Variants in MAP3K3 observed in about 807,000 individuals in gnomAD.
MAP3K3 encodes mitogen-activated protein kinase kinase kinase 3.
In MAP3K3, 12 loss-of-function variants were observed where a neutral mutation model predicts 80.9. The ratio of observed to expected loss-of-function variants is 0.15; its 90% CI spans 0.10 to 0.24. The LOEUF (loss-of-function observed/expected upper bound fraction) is 0.24, where lower values mean the gene tolerates loss of function less well. MAP3K3 is among the 10% of genes least tolerant of loss of function. MAP3K3 has a pLI of 1.00. For synonymous variants in MAP3K3, 272 were observed against 307.1 expected, an observed-to-expected ratio of 0.89 and a Z score of 1.19; for missense variants, 596 against 834.7, an observed-to-expected ratio of 0.71 and a Z score of 3.52.
chr17:63,678,265 C>T (rs529988004), intron 6 of MAP3K3, among the ~76,000 whole-genome samples: 3 of 151,964 alleles, frequency 2.0e-5, no homozygotes, highest in Non-Finnish European at 4.4e-5. Flanking sequence ...AAAAAAATTG[C>T]CTTGACTGAT....
chr17:63,678,984 G>A (rs2035276157), intron 6 of MAP3K3, among the ~76,000 whole-genome samples: 1 of 152,096 alleles, frequency 6.6e-6, no homozygotes, highest in African/African-American at 2.4e-5. Flanking sequence ...AGCCAAGATT[G>A]TACCACTGCA....
intron 2 of MAP3K3, among the ~76,000 whole-genome samples, chr17:63,637,667 G>C (rs1046965331): frequency 1.3e-5 from 2 of 152,138 alleles, no homozygotes; most frequent in African/African-American, 4.8e-5. Context: ...AAGGATTAAG[G>C]TTTTTCTCTC....
intron 3 of MAP3K3, among the ~76,000 whole-genome samples, chr17:63,648,675 C>T (rs535247009): frequency 2.6e-5 from 4 of 152,054 alleles, no homozygotes; most frequent in South Asian, 4.2e-4. Context: ...ATTAGCCGGG[C>T]GTGGTGGCCG....
intron 5 of MAP3K3, among the ~76,000 whole-genome samples, chr17:63,664,401 T>G (rs150767061): frequency 2.8e-3 from 423 of 152,328 alleles, no homozygotes; most frequent in African/African-American, 9.9e-3. Flanking sequence ...AACAGAGGAC[T>G]GGACAGGATG....
At chr17:63,667,991 T>A (rs1337035934) in intron 6 of MAP3K3, among the ~76,000 whole-genome samples, 1 of 150,248 alleles carries the variant, frequency 6.7e-6, no homozygotes, top group Non-Finnish European at 1.5e-5. Flanking sequence ...ATTCCACTTT[T>A]GGGAGTCTGG....
chr17:63,658,323 T>A (rs1313435641), intron 5 of MAP3K3, among the ~76,000 whole-genome samples: 2 of 152,168 alleles, frequency 1.3e-5, no homozygotes, highest in Non-Finnish European at 2.9e-5. Context: ...ACCTTGCCTT[T>A]CCCTTGGAAC....
rs2035644430 is a variant in MAP3K3, at chr17:63,694,002, G to C, written c.*225G>C. 1 of 524,982 alleles carries C rather than the reference G, an allele frequency of 1.9e-6. No individual in the cohort carries two copies. The highest frequency in any genetic ancestry group is 2.0e-5 in the African/African-American group (1 of 51,054). The allele number at this position is 524,982 out of a possible 1,614,324, so 32.5% of individuals were successfully genotyped here. ...CAGCCTGTCAGATCCAGGAGCTCCA[G>C]TGTCCTGAGCTCAGCGTGGAGGGGT... On this transcript the variant is annotated 3_prime_UTR_variant, in exon 16 of 16. Coordinates refer to ENST00000361733, the MANE Select transcript of MAP3K3 (RefSeq NM_002401.5).
intron 5 of MAP3K3, among the ~76,000 whole-genome samples, chr17:63,659,317 T>G (rs2034836584): frequency 6.6e-6 from 1 of 152,202 alleles, no homozygotes; most frequent in African/African-American, 2.4e-5. Context: ...TTATAAATAT[T>G]TACATTTAAG....
chr17:63,645,203 C>T (rs895716949), intron 2 of MAP3K3, among the ~76,000 whole-genome samples: 6 of 151,960 alleles, frequency 3.9e-5, no homozygotes, highest in East Asian at 1.9e-4. Context: ...CTCGGGAGGC[C>T]GAGGCAAGAG....
At chr17:63,681,383 G>A (rs952955010) in intron 6 of MAP3K3, among the ~76,000 whole-genome samples, 17 of 152,150 alleles carry the variant, frequency 1.1e-4, no homozygotes, top group Non-Finnish European at 4.4e-5. Context: ...CTGATGTATT[G>A]AGCTGATGGG....
chr17:63,681,643 G>C (rs2035339121), intron 6 of MAP3K3, 123 bp from the exon 7 acceptor site: 4 of 836,314 alleles, frequency 4.8e-6, no homozygotes, highest in Admixed American at 3.1e-5. Context: ...GCTGGACGTT[G>C]GTGCCATGAC....
At chr17:63,645,996 A>G in intron 2 of MAP3K3, 38 bp from the exon 3 acceptor site, 1 of 1,586,402 alleles carries the variant, frequency 6.3e-7, no homozygotes, top group Non-Finnish European at 8.7e-7. Context: ...GACACATTCC[A>G]GAGAATTCTC....
chr17:63,622,976 G>C (rs1242352719), intron 1 of MAP3K3, among the ~76,000 whole-genome samples: 1 of 148,264 alleles, frequency 6.7e-6, no homozygotes, highest in African/African-American at 2.4e-5. Flanking sequence ...GGCCGGCAGA[G>C]CCCGCTCGGC....
At chr17:63,661,769 A>G (rs1411127631) in intron 5 of MAP3K3, among the ~76,000 whole-genome samples, 1 of 152,230 alleles carries the variant, frequency 6.6e-6, no homozygotes, top group East Asian at 1.9e-4. Context: ...AAGATAAAAC[A>G]AACCTGATTG....
At chr17:63,626,982 T>C (rs1176785638) in intron 1 of MAP3K3, among the ~76,000 whole-genome samples, 1 of 152,226 alleles carries the variant, frequency 6.6e-6, no homozygotes, top group African/African-American at 2.4e-5. Context: ...AATGTGGTGC[T>C]TCTGGCAACT....
In MAP3K3 at chr17:63,689,302, A is replaced by G; in HGVS notation, c.872-242A>G. 1.8e-6 allele frequency: 1 copy of G among 562,206 alleles called. No individual in the cohort carries two copies. Among genetic ancestry groups the G allele is most frequent in the Non-Finnish European group, 3.2e-6 (1 of 315,722 alleles). 34.8% of individuals were successfully genotyped at this position (562,206 alleles called of 1,614,324 possible). A position where few individuals can be genotyped will look rare whatever the true frequency, so the allele number is the denominator to read the frequency against. ...CTTTGGCCAGATCTCCCTGAACCAG[A>G]CTACTTCCTAATTTCTGCTTTTGTC... On this transcript the variant is annotated intron_variant, in intron 10 of 15. Coordinates refer to ENST00000361733, the MANE Select transcript of MAP3K3 (RefSeq NM_002401.5). This position sits in a 1 kb window ranked among gnomAD's most constrained non-coding sequence, Gnocchi z 4.3.
chr17:63,634,229 C>T (rs534738177), intron 2 of MAP3K3, among the ~76,000 whole-genome samples: 1 of 152,290 alleles, frequency 6.6e-6, no homozygotes, highest in East Asian at 1.9e-4. Flanking sequence ...TGAGTCCCCT[C>T]CCCCTTGCTT....
intron 5 of MAP3K3, among the ~76,000 whole-genome samples, chr17:63,666,431 T>G (rs1223764956): frequency 6.6e-6 from 1 of 152,142 alleles, no homozygotes; most frequent in Admixed American, 6.6e-5. Flanking sequence ...CCCAGGAGTT[T>G]GAGTCCAGCC....
At position 63,689,533 on chromosome 17, in the gene MAP3K3, C is replaced by A; in HGVS notation, c.872-11C>A. On this transcript the variant is annotated splice_polypyrimidine_tract_variant and intron_variant, in intron 10 of 15. Coordinates refer to ENST00000361733, the MANE Select transcript of MAP3K3 (RefSeq NM_002401.5). This position sits in a 1 kb window ranked among gnomAD's most constrained non-coding sequence, Gnocchi z 4.3. ...GTGACTTGCTCTCCTCTGGCCCTTG[C>A]ACCCTTTCAGGCAGAAGAACATTTC... 1 of 1,609,152 alleles carries A rather than the reference C, an allele frequency of 6.2e-7. No individual in the cohort carries two copies. The highest frequency in any genetic ancestry group is 8.5e-7 in the Non-Finnish European group (1 of 1,177,374).
Sources: allele counts gnomAD v4.1 joint callset (sites outside exome capture counted in the v4.1 genomes callset), GRCh38; gene constraint gnomAD v4.1.1; non-coding constraint Gnocchi (gnomAD v3.1); transcripts MANE v1.5; gene names NCBI Gene and HGNC (gene_info 2026-07-23, HGNC 2026-07-21).